Variants in FCHSD2 observed in about 807,000 individuals in gnomAD.
FCHSD2 encodes the protein FCH and double SH3 domains 2.
FCHSD2 carries 38 observed loss-of-function variants against 108.1 expected under a neutral mutation model. The observed-to-expected ratio is 0.35, with a 90% CI of 0.27 to 0.46. The LOEUF (loss-of-function observed/expected upper bound fraction) is 0.46. Ranked by LOEUF, FCHSD2 falls within the 20% of genes least tolerant of loss-of-function variation. The pLI is 1.00. For synonymous variants in FCHSD2, 279 were observed against 314.7 expected (o/e 0.89, Z 1.20); for missense variants, 751 against 897.8 (o/e 0.84, Z 2.09).
At chr11:72,876,616 T>C (rs973874224) in intron 12 of FCHSD2, among the ~76,000 whole-genome samples, 2 of 152,248 alleles carry the variant, frequency 1.3e-5, no homozygotes, top group Non-Finnish European at 2.9e-5. Context: ...ATGTTCTATG[T>C]GTACTTTAAA....
At chr11:73,052,357 G>T (rs1226055270) in intron 3 of FCHSD2, among the ~76,000 whole-genome samples, 1 of 152,160 alleles carries the variant, frequency 6.6e-6, no homozygotes, top group Non-Finnish European at 1.5e-5. Context: ...GTTTACTCCA[G>T]AGTGTAAATC....
Position 73,001,110 on chromosome 11 carries a change from A to C in FCHSD2, c.267T>G (p.Ser89=), listed in dbSNP as rs1194594653. ...CTACCTGCATTGTTCCCTCGAGAAA[A>C]GATTTCCAAACGGGATACATGCTCC... is the stretch of plus-strand genomic sequence containing the variant. ...DYRSMYPVWK[S]FLEGTMQVAQ... The change falls in exon 5 of 20, where the codon TCT becomes TCG. Residue 89 remains serine, a synonymous_variant. Coordinates refer to ENST00000409418, the MANE Select transcript of FCHSD2 (RefSeq NM_014824.3). The C allele has an allele frequency of 1.2e-6, 2 of 1,613,338 alleles. No individual in the cohort carries two copies. Among genetic ancestry groups the C allele is most frequent in the Non-Finnish European group, 8.5e-7 (1 of 1,179,616 alleles).
At chr11:72,872,165 T>C (rs941956480) in intron 12 of FCHSD2, among the ~76,000 whole-genome samples, 1 of 152,086 alleles carries the variant, frequency 6.6e-6, no homozygotes, top group African/African-American at 2.4e-5. Flanking sequence ...GGCACTCCAA[T>C]TGGTAAATAC....
At chr11:72,940,589 G>A in intron 8 of FCHSD2, 1 of 1,416,348 alleles carries the variant, frequency 7.1e-7, no homozygotes. Flanking sequence ...TGGCAGTACT[G>A]CCAGCTCTCT....
intron 13 of FCHSD2, among the ~76,000 whole-genome samples, chr11:72,857,762 C>T (rs992981618): frequency 6.6e-6 from 1 of 151,968 alleles, no homozygotes; most frequent in East Asian, 1.9e-4. Context: ...AATGCTTACT[C>T]TTATTGCAGA....
At chr11:72,956,268 C>T (rs768258139) in intron 8 of FCHSD2, among the ~76,000 whole-genome samples, 1 of 152,048 alleles carries the variant, frequency 6.6e-6, no homozygotes, top group Non-Finnish European at 1.5e-5. Context: ...CATTAGAATG[C>T]CAACTAAGAA....
intron 2 of FCHSD2, among the ~76,000 whole-genome samples, chr11:73,117,406 C>CTT (rs920223306): frequency 6.6e-6 from 1 of 152,128 alleles, no homozygotes. Flanking sequence ...TCCTATTAGG[C>CTT]TTTTAGGCAT....
At chr11:72,937,868 A>G (rs974582435) in intron 8 of FCHSD2, among the ~76,000 whole-genome samples, 6 of 152,232 alleles carry the variant, frequency 3.9e-5, no homozygotes, top group Non-Finnish European at 7.3e-5. Context: ...GCACCCAGTT[A>G]TTATGCTAGG....
chr11:72,981,097 C>T (rs1483492863), intron 8 of FCHSD2, among the ~76,000 whole-genome samples: 1 of 152,106 alleles, frequency 6.6e-6, no homozygotes, highest in Non-Finnish European at 1.5e-5. Flanking sequence ...TAGGAGTTTT[C>T]CTGTACTGCA....
chr11:72,957,617 G>A (rs981982252), intron 8 of FCHSD2, among the ~76,000 whole-genome samples: 1 of 151,396 alleles, frequency 6.6e-6, no homozygotes, highest in Non-Finnish European at 1.5e-5. Flanking sequence ...GGAACATCTC[G>A]TAAAAATGTG....
chr11:73,134,342 T>C (rs1409979882), intron 2 of FCHSD2, among the ~76,000 whole-genome samples: 3 of 152,022 alleles, frequency 2.0e-5, no homozygotes, highest in East Asian at 3.9e-4. Flanking sequence ...TGGTGGTGCA[T>C]GCCTGTGGTC....
chr11:72,943,681 T>C (rs915221687), intron 8 of FCHSD2, among the ~76,000 whole-genome samples: 6 of 152,308 alleles, frequency 3.9e-5, no homozygotes, highest in African/African-American at 1.4e-4. Context: ...TAAAATTATA[T>C]TGGCTGTTTT....
intron 3 of FCHSD2, among the ~76,000 whole-genome samples, chr11:73,033,149 A>T (rs1858404504): frequency 6.6e-6 from 1 of 151,918 alleles, no homozygotes; most frequent in Non-Finnish European, 1.5e-5. Context: ...TTAGCTGGGC[A>T]TGGTGGCGGG....
At chr11:73,002,233 A>C (rs1857640031) in intron 4 of FCHSD2, among the ~76,000 whole-genome samples, 1 of 152,244 alleles carries the variant, frequency 6.6e-6, no homozygotes, top group Non-Finnish European at 1.5e-5. Context: ...AAAACTTGAT[A>C]AACTATGGTT....
chr11:73,018,928 G>A (rs1004136453), intron 3 of FCHSD2, among the ~76,000 whole-genome samples: 11 of 152,186 alleles, frequency 7.2e-5, no homozygotes, highest in Middle Eastern at 3.4e-3. Flanking sequence ...ATTTTTATGA[G>A]GGTTCAATTA....
chr11:73,000,011 A>G (rs1250687879), intron 5 of FCHSD2, among the ~76,000 whole-genome samples: 1 of 152,228 alleles, frequency 6.6e-6, no homozygotes, highest in African/African-American at 2.4e-5. Context: ...GCATTCTTAT[A>G]CAAATATGTT....
At chr11:72,928,087 T>G (rs1856113369) in intron 8 of FCHSD2, among the ~76,000 whole-genome samples, 1 of 152,294 alleles carries the variant, frequency 6.6e-6, no homozygotes, top group South Asian at 2.1e-4. Flanking sequence ...TTGCCTTGCT[T>G]TAAAATCATC....
chr11:72,976,683 T>C (rs548185018), intron 8 of FCHSD2, among the ~76,000 whole-genome samples: 5 of 152,280 alleles, frequency 3.3e-5, no homozygotes, highest in South Asian at 2.1e-4. Flanking sequence ...CAAAACAGTA[T>C]GGTACTGGCA....
chr11:72,952,318 A>G (rs1167599631), intron 8 of FCHSD2, among the ~76,000 whole-genome samples: 1 of 151,790 alleles, frequency 6.6e-6, no homozygotes, highest in African/African-American at 2.4e-5. Context: ...GTGTTCACCA[A>G]GTTTGACTAT....
Sources: allele counts gnomAD v4.1 joint callset (sites outside exome capture counted in the v4.1 genomes callset), GRCh38; gene constraint gnomAD v4.1.1; transcripts MANE v1.5; gene names NCBI Gene and HGNC (gene_info 2026-07-23, HGNC 2026-07-21).